Variants in PPHLN1 observed in about 807,000 individuals in gnomAD.
PPHLN1 encodes periphilin 1, also known as periphilin-1.
In PPHLN1, 29 loss-of-function variants were observed where a neutral mutation model predicts 51.3. The ratio of observed to expected loss-of-function variants is 0.57; its 90% CI spans 0.42 to 0.77. The LOEUF (loss-of-function observed/expected upper bound fraction) is 0.77, where lower values mean the gene tolerates loss of function less well. Among genes scored for constraint, PPHLN1 ranks in the 30% least tolerant of loss-of-function variants. PPHLN1 has a pLI of 0.00. For missense variants in PPHLN1, 436 were observed against 438.4 expected (o/e 0.99, Z 0.05); for synonymous variants, 147 against 147.8 (o/e 0.99, Z 0.04).
At chr12:42,442,798 G>A, downstream of PPHLN1, 3 of 1,609,876 alleles carry the variant, frequency 1.9e-6, no homozygotes, top group Non-Finnish European at 2.5e-6. Context: ...TCAAGCTAGG[G>A]TTTCATCATG....
At chr12:42,346,187 C>T (rs1404628039) in intron 2 of PPHLN1, among the ~76,000 whole-genome samples, 4 of 152,114 alleles carry the variant, frequency 2.6e-5, no homozygotes, top group Non-Finnish European at 4.4e-5. Context: ...TAGACTTATT[C>T]ATCTTACTTA....
intron 9 of PPHLN1, among the ~76,000 whole-genome samples, chr12:42,401,601 G>A (rs373050800): frequency 1.2e-4 from 18 of 151,980 alleles, no homozygotes; most frequent in Non-Finnish European, 1.9e-4. Context: ...TCACAGAAGC[G>A]CAGACCCTAT....
intron 7 of PPHLN1, among the ~76,000 whole-genome samples, chr12:42,387,853 A>G (rs1318612888): frequency 2.0e-5 from 3 of 152,192 alleles, no homozygotes; most frequent in Non-Finnish European, 4.4e-5. Context: ...CTTTGCCCCA[A>G]CCTTGAGCTC....
intron 9 of PPHLN1, among the ~76,000 whole-genome samples, chr12:42,406,617 ATTAG>A (rs2079337904): frequency 6.6e-6 from 1 of 152,020 alleles, no homozygotes; most frequent in South Asian, 2.1e-4. Context: ...CATTTTTCTA[ATTAG>A]TTATCTTTTT....
chr12:42,446,447 G>T, downstream of PPHLN1: 1 of 1,326,648 alleles, frequency 7.5e-7, no homozygotes, highest in Non-Finnish European at 1.0e-6. Context: ...ACCCCCAGTG[G>T]GGTTCCTCAG....
At chr12:42,446,497 C>A, downstream of PPHLN1, 1 of 1,482,550 alleles carries the variant, frequency 6.7e-7, no homozygotes, top group Non-Finnish European at 9.1e-7. Flanking sequence ...AAAATCTCTC[C>A]TAGAAAGACC....
intron 2 of PPHLN1, among the ~76,000 whole-genome samples, chr12:42,342,216 T>G (rs899679404): frequency 6.6e-6 from 1 of 151,970 alleles, no homozygotes; most frequent in Admixed American, 6.6e-5. Flanking sequence ...TTATCAAGTT[T>G]TGTGACAGAA....
intron 9 of PPHLN1, chr12:42,433,443 C>T (rs373333746): frequency 3.6e-5 from 10 of 281,414 alleles, no homozygotes; most frequent in East Asian, 3.1e-4. Flanking sequence ...CTGCCTCAGT[C>T]TCCCGGGTAG....
At chr12:42,431,069 C>T (rs2081995721) in intron 9 of PPHLN1, among the ~76,000 whole-genome samples, 1 of 152,040 alleles carries the variant, frequency 6.6e-6, no homozygotes, top group South Asian at 2.1e-4. Flanking sequence ...ATAAATAAAC[C>T]AAACAAACCC....
chr12:42,340,681 G>C (rs145005047), intron 2 of PPHLN1, among the ~76,000 whole-genome samples: 1 of 152,164 alleles, frequency 6.6e-6, no homozygotes, highest in Admixed American at 6.6e-5. Context: ...CTGGGAGACC[G>C]CACAATGAAC....
chr12:42,399,353 T>C (rs1306841015), intron 9 of PPHLN1: 1 of 856,232 alleles, frequency 1.2e-6, no homozygotes, highest in Admixed American at 6.1e-5. Flanking sequence ...CAGATGTTTC[T>C]TATGTTTTTT....
At chr12:42,368,508 C>T (rs987699686) in intron 4 of PPHLN1, among the ~76,000 whole-genome samples, 1 of 152,010 alleles carries the variant, frequency 6.6e-6, no homozygotes, top group Non-Finnish European at 1.5e-5. Context: ...GAAAATGAAG[C>T]TCAGAGAGGT....
At chr12:42,348,717 T>C (rs1313029967) in intron 2 of PPHLN1, among the ~76,000 whole-genome samples, 1 of 152,224 alleles carries the variant, frequency 6.6e-6, no homozygotes, top group Non-Finnish European at 1.5e-5. Context: ...TGTTATGGTT[T>C]ATTGGAATTT....
chr12:42,350,772 G>A (rs1056250030), intron 2 of PPHLN1, among the ~76,000 whole-genome samples: 1 of 152,126 alleles, frequency 6.6e-6, no homozygotes, highest in Non-Finnish European at 1.5e-5. Context: ...AGACCAGCCC[G>A]GCCAACACGG....
chr12:42,372,140 C>T (rs917544233), intron 4 of PPHLN1, among the ~76,000 whole-genome samples: 1 of 151,792 alleles, frequency 6.6e-6, no homozygotes, highest in African/African-American at 2.4e-5. Flanking sequence ...AATACACACA[C>T]ACATATCTGA....
intron 9 of PPHLN1, among the ~76,000 whole-genome samples, chr12:42,421,576 GA>G (rs1244216585): frequency 1.3e-5 from 2 of 152,110 alleles, no homozygotes; most frequent in Non-Finnish European, 2.9e-5. Context: ...TCGAACTCCT[GA>G]CCTTAGGCGA....
At position 42,374,921 on chromosome 12, in the gene PPHLN1, C is replaced by G; in HGVS notation, c.358C>G (p.Arg120Gly). Reference protein sequence around the residue: ...SFYSSHYARERSPYKRDNTFF... With the variant: ...SFYSSHYAREGSPYKRDNTFF... Reference sequence around the variant, plus strand: ...CTACTCTTCCCATTATGCGAGAGAGCGGTCTCCTTATAAAAGGGACAATAC... The same window carrying G: ...CTACTCTTCCCATTATGCGAGAGAGGGGTCTCCTTATAAAAGGGACAATAC... The change falls in exon 5 of 10, where the codon CGG (arginine) becomes GGG (glycine). Residue 120 changes from arginine (R) to glycine (G), a missense_variant. Arg to Gly is a moderately radical substitution (Grantham distance 125). Coordinates refer to ENST00000358314, the MANE Select transcript of PPHLN1 (RefSeq NM_201439.2). The G allele has an allele frequency of 3.1e-6, 5 of 1,613,312 alleles. No homozygotes were observed. Among genetic ancestry groups the G allele is most frequent in the Non-Finnish European group, 3.4e-6 (4 of 1,179,818 alleles).
intron 9 of PPHLN1, among the ~76,000 whole-genome samples, chr12:42,408,506 C>A (rs2079518878): frequency 6.6e-6 from 1 of 151,816 alleles, no homozygotes; most frequent in Non-Finnish European, 1.5e-5. Flanking sequence ...CAGAGAATTA[C>A]CAAAGTACAT....
intron 1 of PPHLN1, among the ~76,000 whole-genome samples, chr12:42,327,088 T>A (rs1174877887): frequency 6.6e-6 from 1 of 152,232 alleles, no homozygotes; most frequent in East Asian, 1.9e-4. Flanking sequence ...CTTACCATGC[T>A]TTACATCTCT....
Sources: allele counts gnomAD v4.1 joint callset (sites outside exome capture counted in the v4.1 genomes callset), GRCh38; gene constraint gnomAD v4.1.1; transcripts MANE v1.5; gene names NCBI Gene and HGNC (gene_info 2026-07-23, HGNC 2026-07-21).